The following FBXL4 variants were observed in gnomAD, a reference collection of about 807,000 sequenced individuals.
The protein encoded by FBXL4 is F-box and leucine rich repeat protein 4, also known as F-box/LRR-repeat protein 4.
A neutral mutation model predicts 58.9 loss-of-function variants in FBXL4; 40 were observed. The ratio of observed to expected loss-of-function variants is 0.68; its 90% CI spans 0.53 to 0.88. FBXL4 has a LOEUF of 0.88. Ranked by LOEUF, FBXL4 falls within the 40% of genes least tolerant of loss-of-function variation. The probability of loss-of-function intolerance (pLI) is 0.00; values close to 1 mark genes in which losing one functional copy is unlikely to be tolerated. For missense variants in FBXL4, 676 were observed against 734.4 expected (o/e 0.92, Z 0.92); for synonymous variants, 263 against 265.5 (o/e 0.99, Z 0.09).
intron 2 of FBXL4, among the ~76,000 whole-genome samples, chr6:98,930,806 T>C (rs943028053): frequency 1.3e-5 from 2 of 152,128 alleles, no homozygotes; most frequent in African/African-American, 4.8e-5. Context: ...AAAATTGAAA[T>C]GGTACAAATC....
chr6:98,902,558 T>A (rs139031860), intron 6 of FBXL4, among the ~76,000 whole-genome samples: 1 of 152,118 alleles, frequency 6.6e-6, no homozygotes, highest in East Asian at 1.9e-4. Flanking sequence ...AGTTCTCGAA[T>A]CTAGAACGCA....
chr6:98,917,599 A>T lies in FBXL4; in HGVS notation c.633T>A (p.Ser211Arg), dbSNP rs1008415820. 4 of 1,613,936 alleles carry T rather than the reference A, an allele frequency of 2.5e-6. No homozygotes were observed. The highest frequency in any genetic ancestry group is 1.6e-4 in the Middle Eastern group (1 of 6,084). Reference protein sequence around the residue: ...PTNLIRLEVNSSLLEYYTELD... With the variant: ...PTNLIRLEVNRSLLEYYTELD... ...ATTCAGTGTAATATTCCAGAAGAGA[A>T]CTATTTACTTCCAGTCGTATAAGAT... Residue 211 changes from serine to arginine, a missense_variant, in exon 5 of 10, where the codon AGT (serine) becomes AGA (arginine). Transcript: ENST00000369244.
chr6:98,936,428 A>C (rs1176160250), intron 1 of FBXL4, among the ~76,000 whole-genome samples: 1 of 152,128 alleles, frequency 6.6e-6, no homozygotes, highest in African/African-American at 2.4e-5. Context: ...CTAACCCTTA[A>C]CACAGGTTTG....
chr6:98,936,703 C>T (rs1033596884), intron 1 of FBXL4, among the ~76,000 whole-genome samples: 2 of 152,064 alleles, frequency 1.3e-5, no homozygotes, highest in Non-Finnish European at 2.9e-5. Flanking sequence ...CATATATTAA[C>T]CAACTGTATA....
chr6:98,893,659 AG>A (rs1349998718), intron 7 of FBXL4, among the ~76,000 whole-genome samples: 1 of 152,224 alleles, frequency 6.6e-6, no homozygotes, highest in Non-Finnish European at 1.5e-5. Context: ...ATGCCCTTTT[AG>A]GGGCAAATTA....
At chr6:98,899,505 A>T (rs765948390) in intron 6 of FBXL4, 24 bp from the exon 7 acceptor site, 19 of 1,598,084 alleles carry the variant, frequency 1.2e-5, no homozygotes, top group Non-Finnish European at 1.6e-5. Flanking sequence ...ATTCTATGTG[A>T]ATTTTATAAA....
intron 1 of FBXL4, among the ~76,000 whole-genome samples, chr6:98,940,736 C>T (rs1365197687): frequency 6.6e-6 from 1 of 151,930 alleles, no homozygotes; most frequent in Non-Finnish European, 1.5e-5. Flanking sequence ...TCTGTGCTTG[C>T]CTTTTCATCT....
intron 9 of FBXL4, among the ~76,000 whole-genome samples, chr6:98,875,066 G>C (rs945661304): frequency 6.6e-6 from 1 of 152,146 alleles, no homozygotes; most frequent in East Asian, 1.9e-4. Flanking sequence ...AAAAAAACTA[G>C]CTTGAATTCA....
In FBXL4 at chr6:98,905,448, T is replaced by C. The variant is rs984621399; in HGVS notation, c.1081A>G (p.Ile361Val). The C allele has an allele frequency of 6.2e-7, 1 of 1,614,066 alleles. No homozygotes were observed. The highest frequency in any genetic ancestry group is 8.5e-7 in the Non-Finnish European group (1 of 1,179,918). ...AACCTGCTAAATCCTGCAACAGAGA[T>C]GAAGCCTCTATTGCCAGTCCAAGAT... is the stretch of plus-strand genomic sequence containing the variant. ...NLSWTGNRGF[I>V]SVAGFSRFLK... Residue 361 changes from isoleucine to valine, a missense_variant, in exon 6 of 10, where the codon ATC (isoleucine) becomes GTC (valine). Ile to Val is a conservative substitution (Grantham distance 29). Coordinates refer to ENST00000369244, the MANE Select transcript of FBXL4 (RefSeq NM_001278716.2).
intron 6 of FBXL4, among the ~76,000 whole-genome samples, chr6:98,900,912 C>G (rs562967333): frequency 6.6e-6 from 1 of 152,276 alleles, no homozygotes; most frequent in African/African-American, 2.4e-5. Flanking sequence ...TCCTCCAACC[C>G]CTCTCACTGC....
At chr6:98,889,144 G>A (rs956028127) in intron 7 of FBXL4, among the ~76,000 whole-genome samples, 4 of 152,146 alleles carry the variant, frequency 2.6e-5, no homozygotes, top group South Asian at 2.1e-4. Context: ...CAAGTTCAAC[G>A]TGAACAGTTT....
At chr6:98,915,540 G>C (rs2128399868) in intron 5 of FBXL4, among the ~76,000 whole-genome samples, 1 of 151,252 alleles carries the variant, frequency 6.6e-6, no homozygotes, top group African/African-American at 2.4e-5. Flanking sequence ...TCTGATCTTT[G>C]ACAAACCTGA....
intron 7 of FBXL4, among the ~76,000 whole-genome samples, chr6:98,890,986 A>G (rs1335259964): frequency 6.6e-6 from 1 of 152,190 alleles, no homozygotes; most frequent in Non-Finnish European, 1.5e-5. Flanking sequence ...ACTTGAAACT[A>G]AACATATGTA....
At chr6:98,939,075 CAAAAAAAAAAAAAAAA>C (rs3068704) in intron 1 of FBXL4, among the ~76,000 whole-genome samples, 2 of 25,268 alleles carry the variant, frequency 7.9e-5, no homozygotes, top group African/African-American at 1.8e-4. Flanking sequence ...GACCTTGTCT[CAAAAAAAAAAAAAAAA>C]AAAAAAAAAA....
chr6:98,910,114 C>T (rs115157890), intron 5 of FBXL4, among the ~76,000 whole-genome samples: 2,799 of 152,234 alleles, frequency 0.018, 79 homozygotes, highest in African/African-American at 0.064. Context: ...TATAAAGTTT[C>T]CTTAAAAAGA....
chr6:98,910,310 A>G (rs1771986713), intron 5 of FBXL4, among the ~76,000 whole-genome samples: 1 of 152,202 alleles, frequency 6.6e-6, no homozygotes, highest in Admixed American at 6.5e-5. Context: ...GAAACACCCC[A>G]GTAGGGACAC....
At chr6:98,925,422 T>C (rs1305833177) in intron 4 of FBXL4, among the ~76,000 whole-genome samples, 1 of 152,216 alleles carries the variant, frequency 6.6e-6, no homozygotes, top group Non-Finnish European at 1.5e-5. Context: ...AAAAAAAATG[T>C]TAAACATTAC....
chr6:98,884,286 A>G (rs1285070435), intron 7 of FBXL4, among the ~76,000 whole-genome samples: 1 of 152,156 alleles, frequency 6.6e-6, no homozygotes, highest in Non-Finnish European at 1.5e-5. Flanking sequence ...CACTTGGGAT[A>G]TAACAGTGAA....
chr6:98,905,297 A>C (rs1390526040), intron 6 of FBXL4, 129 bp downstream of exon 6: 4 of 1,152,380 alleles, frequency 3.5e-6, no homozygotes, highest in Non-Finnish European at 3.7e-6. Flanking sequence ...TGACACTCAA[A>C]ATATATTTCC....
Sources: gnomAD v4.1 joint callset for allele counts (sites outside exome capture counted in the v4.1 genomes callset) on GRCh38, gnomAD v4.1.1 for gene constraint, MANE v1.5 for transcripts, NCBI Gene and HGNC (gene_info 2026-07-23, HGNC 2026-07-21) for gene names.